POLQ: variants seen among roughly 807,000 people sequenced by gnomAD.
POLQ encodes the protein epididymis secretory sperm binding protein.
POLQ carries 233 observed loss-of-function variants against 259.2 expected under a neutral mutation model. The observed-to-expected ratio is 0.90, with a 90% CI of 0.81 to 1.00. The LOEUF is 1.00. Ranked by LOEUF, POLQ falls within the 50% of genes least tolerant of loss-of-function variation. The pLI, the probability that POLQ is intolerant of heterozygous loss-of-function variation, is 0.00. For missense variants in POLQ, 2,871 were observed against 3,051.6 expected, an observed-to-expected ratio of 0.94 and a Z score of 1.39; for synonymous variants, 1,025 against 1,048.8, an observed-to-expected ratio of 0.98 and a Z score of 0.44.
At chr3:121,513,913 T>C (rs1354746183) in intron 9 of POLQ, among the ~76,000 whole-genome samples, 2 of 146,846 alleles carry the variant, frequency 1.4e-5, no homozygotes, top group Non-Finnish European at 3.0e-5. Flanking sequence ...TCTCAGCTAC[T>C]TGGGAGGCTG....
intron 26 of POLQ, among the ~76,000 whole-genome samples, chr3:121,441,210 T>C (rs987287718): frequency 6.6e-6 from 1 of 152,102 alleles, no homozygotes; most frequent in African/African-American, 2.4e-5. Flanking sequence ...ACCAAACTCC[T>C]ATAGGAGACC....
rs779144136 is a variant in POLQ at position 121,545,807 on chromosome 3, C to G, written c.71G>C (p.Gly24Ala). Reference protein sequence around the residue: ...ESGSDSFSGSGGDSSASPQFL... With the variant: ...ESGSDSFSGSAGDSSASPQFL... ...CTGGGGGCTGGCACTGCTGTCACCG[C>G]CGCTTCCCGAGAACGAATCTGAGCC... The change falls in exon 1 of 30, where the codon GGC becomes GCC. Residue 24 changes from glycine (G) to alanine (A), a missense_variant. Coordinates refer to ENST00000264233, the MANE Select transcript of POLQ (RefSeq NM_199420.4). 1 of 1,613,358 alleles carries G rather than the reference C, an allele frequency of 6.2e-7. No individual in the cohort carries two copies. Among genetic ancestry groups the G allele is most frequent in the Admixed American group, 1.7e-5 (1 of 59,922 alleles).
At chr3:121,494,504 C>A (rs2048099334) in intron 14 of POLQ, 3 of 1,518,908 alleles carry the variant, frequency 2.0e-6, no homozygotes, top group Non-Finnish European at 2.7e-6. Flanking sequence ...CACCAAGAGA[C>A]CACCTGTCCT....
intron 24 of POLQ, among the ~76,000 whole-genome samples, chr3:121,462,153 A>G (rs902717875): frequency 3.9e-5 from 6 of 152,280 alleles, no homozygotes; most frequent in Admixed American, 1.3e-4. Context: ...TCAAAATCTA[A>G]AACACTTCTA....
At chr3:121,487,218 A>T in intron 16 of POLQ, 84 bp downstream of exon 16, 1 of 721,038 alleles carries the variant, frequency 1.4e-6, no homozygotes, top group Non-Finnish European at 2.2e-6. Flanking sequence ...TATATTTAAT[A>T]TCTAACATTG....
In POLQ at chr3:121,489,930, G is replaced by T. The variant is rs773845184; in HGVS notation, c.3001C>A (p.Pro1001Thr). 6 of 1,581,540 alleles carry T rather than the reference G, an allele frequency of 3.8e-6. No individual in the cohort carries two copies. Among genetic ancestry groups the T allele is most frequent in the Non-Finnish European group, 4.3e-6 (5 of 1,171,358 alleles). Residue 1001 changes from proline to threonine, a missense_variant, in exon 16 of 30, where the codon CCA becomes ACA. Pro to Thr is a conservative substitution (Grantham distance 38). Transcript: ENST00000264233. ...TTCCCCTCATTCTGAGAGGCTCCTG[G>T]CTTCTCTTTATTTATATCTAAAGAG... ...RASLDINKEK[P>T]GASQNEGKTS...
At chr3:121,493,077 G>A (rs914309458) in intron 15 of POLQ, among the ~76,000 whole-genome samples, 1 of 152,040 alleles carries the variant, frequency 6.6e-6, no homozygotes, top group East Asian at 1.9e-4. Flanking sequence ...TGAGGCAGGG[G>A]GATTGGCTGA....
rs375831666 is a variant in POLQ at position 121,481,633 on chromosome 3, G to A, written c.6150C>T (p.Ser2050=). The change falls in exon 19 of 30, where the codon TCC becomes TCT. Residue 2050 remains serine (S), a synonymous_variant. Transcript: ENST00000264233. ...HSGRYRASVE[S]ILIFNSMNQL... is the part of the protein sequence containing the mutation. ...GATTCATAGAGTTGAAGATGAGAAT[G>A]GACTCCACAGATGCTCTGTATCGCC... 2 of 1,613,676 alleles carry A rather than the reference G, an allele frequency of 1.2e-6. No homozygotes were observed. The highest frequency in any genetic ancestry group is 1.7e-6 in the Non-Finnish European group (2 of 1,179,750).
chr3:121,510,135 G>A lies in POLQ; in HGVS notation c.1720C>T (p.Gln574Ter), dbSNP rs1408922794. 1 of 1,613,962 alleles carries A rather than the reference G, an allele frequency of 6.2e-7. No homozygotes were observed. Among genetic ancestry groups the A allele is most frequent in the African/African-American group, 1.3e-5 (1 of 75,018 alleles). Residue 574 changes from glutamine (Q) to a stop codon, truncating the protein, a stop_gained, in exon 11 of 30, where the codon CAA becomes TAA. Coordinates refer to ENST00000264233, the MANE Select transcript of POLQ (RefSeq NM_199420.4). LOFTEE classifies it high-confidence loss of function. ...KEGKQGIQRN[Q>*]ESVQLGAIEA... ...ATCGCTCCAAGCTGAACAGACTCTTGATTTCTCTGAATTCCTTGCTTCCCT... is the reference window on the plus strand; with the variant it reads ...ATCGCTCCAAGCTGAACAGACTCTTAATTTCTCTGAATTCCTTGCTTCCCT...
At chr3:121,511,597 G>A (rs1356326163) in intron 10 of POLQ, among the ~76,000 whole-genome samples, 1 of 151,992 alleles carries the variant, frequency 6.6e-6, no homozygotes, top group African/African-American at 2.4e-5. Context: ...GGCCAAAATG[G>A]TGAAATCCCA....
chr3:121,509,947 A>G, intron 11 of POLQ, 92 bp downstream of exon 11: 1 of 1,068,326 alleles, frequency 9.4e-7, no homozygotes, highest in Non-Finnish European at 1.4e-6. Flanking sequence ...CTTTTATACT[A>G]CATGAAAAGA....
chr3:121,544,343 C>T (rs2048512984), intron 2 of POLQ, among the ~76,000 whole-genome samples: 1 of 151,348 alleles, frequency 6.6e-6, no homozygotes, highest in Admixed American at 6.6e-5. Context: ...CAAACTCTAT[C>T]TCAAGAAAAA....
chr3:121,472,204 A>G, intron 21 of POLQ, 40 bp from the exon 22 acceptor site: 1 of 931,092 alleles, frequency 1.1e-6, no homozygotes, highest in Non-Finnish European at 1.6e-6. Flanking sequence ...TTCTTGTCCA[A>G]ATTCCACAGC....
chr3:121,539,312 C>T (rs1448900426), intron 4 of POLQ, 121 bp downstream of exon 4: 1 of 732,444 alleles, frequency 1.4e-6, no homozygotes, highest in Admixed American at 3.0e-5. Context: ...CAATCCTTGC[C>T]TCCAGAAGTA....
At chr3:121,440,989 C>T (rs1457068904) in intron 26 of POLQ, among the ~76,000 whole-genome samples, 1 of 152,084 alleles carries the variant, frequency 6.6e-6, no homozygotes, top group Non-Finnish European at 1.5e-5. Context: ...CCTAGACCAA[C>T]ATTCATCCTT....
At chr3:121,457,116 A>G (rs1424395720) in intron 25 of POLQ, among the ~76,000 whole-genome samples, 5 of 152,348 alleles carry the variant, frequency 3.3e-5, no homozygotes, top group African/African-American at 1.2e-4. Flanking sequence ...CAAACCTGAG[A>G]AAAACAAGCA....
chr3:121,473,237 G>C (rs2047899568), intron 21 of POLQ, 113 bp downstream of exon 21: 3 of 947,386 alleles, frequency 3.2e-6, no homozygotes, highest in Non-Finnish European at 4.6e-6. Flanking sequence ...TTTATATCTG[G>C]GTAAATTCAA....
chr3:121,538,190 C>A (rs185615022), intron 4 of POLQ, among the ~76,000 whole-genome samples: 2 of 151,582 alleles, frequency 1.3e-5, no homozygotes, highest in African/African-American at 4.8e-5. Context: ...ATAAGAGGGT[C>A]CAGAAGAAAA....
chr3:121,505,103 T>G (rs2048199029), intron 12 of POLQ, among the ~76,000 whole-genome samples: 1 of 152,200 alleles, frequency 6.6e-6, no homozygotes, highest in African/African-American at 2.4e-5. Context: ...GTCGTTGCAA[T>G]GGAGAGTTCT....
Sources: gnomAD v4.1 joint callset for allele counts (sites outside exome capture counted in the v4.1 genomes callset) on GRCh38, gnomAD v4.1.1 for gene constraint, MANE v1.5 for transcripts, NCBI Gene and HGNC (gene_info 2026-07-23, HGNC 2026-07-21) for gene names.